The following RAPGEF2 variants were observed in gnomAD, a reference collection of about 807,000 sequenced individuals.
The protein encoded by RAPGEF2 is PDZ domain containing guanine nucleotide exchange factor (GEF) 1.
Under a neutral mutation model 186.7 loss-of-function variants are expected in RAPGEF2, and 54 were observed. That is an observed-to-expected ratio of 0.29 (90% confidence interval 0.23 to 0.36). The LOEUF is 0.36. Ranked by LOEUF, RAPGEF2 falls within the 10% of genes least tolerant of loss-of-function variation. RAPGEF2 has a pLI of 1.00. For synonymous variants in RAPGEF2, 712 were observed against 705.9 expected, an observed-to-expected ratio of 1.01 and a Z score of -0.14; for missense variants, 1,532 against 2,045.0, an observed-to-expected ratio of 0.75 and a Z score of 4.84.
Position 159,332,697 on chromosome 4 carries a change from A to G in RAPGEF2, c.2135A>G (p.Asn712Ser). The G allele has an allele frequency of 6.2e-7, 1 of 1,613,926 alleles. No individual in the cohort carries two copies. The highest frequency in any genetic ancestry group is 8.5e-7 in the Non-Finnish European group (1 of 1,179,900). Residue 712 changes from asparagine (N) to serine (S), a missense_variant and splice_region_variant, in exon 17 of 30, where the codon AAT (asparagine) becomes AGT (serine). This residue lies in a region of RAPGEF2 where 810 missense variants were observed against 1,210.5 expected (regional missense o/e 0.67). Transcript: ENST00000691494. ...RISILPQKPY[N>S]DIGIGQSQDD... is the part of the protein sequence containing the mutation. ...AGTATCTTGCCACAGAAACCATACA[A>G]GTAAGCATCTGCATATGTCTTCTGT... is the stretch of plus-strand genomic sequence containing the variant.
At chr4:159,221,118 T>A (rs1333779633) in intron 4 of RAPGEF2, among the ~76,000 whole-genome samples, 1 of 152,214 alleles carries the variant, frequency 6.6e-6, no homozygotes, top group African/African-American at 2.4e-5. Flanking sequence ...GTTTTCTTAC[T>A]ATGTTAGTTG....
At chr4:159,231,375 A>C (rs1752626061) in intron 4 of RAPGEF2, among the ~76,000 whole-genome samples, 1 of 152,104 alleles carries the variant, frequency 6.6e-6, no homozygotes, top group Non-Finnish European at 1.5e-5. Context: ...ACTCACACAT[A>C]TTATTTTGTT....
At chr4:159,189,506 C>A (rs183666317) in intron 2 of RAPGEF2, among the ~76,000 whole-genome samples, 1 of 152,148 alleles carries the variant, frequency 6.6e-6, no homozygotes, top group Admixed American at 6.5e-5. Context: ...GACCAAAAAT[C>A]TGTTTAAAAA....
rs1732293310 is a variant in RAPGEF2 at position 159,358,026 on chromosome 4, T to C, written c.4958-88T>C. ...AAAAAGAATAACTATGATAGTTTTA[T>C]TTAGCACATCAGTGAATATATTCTC... On this transcript the variant is annotated intron_variant, in intron 29 of 29. Coordinates refer to ENST00000691494, the MANE Select transcript of RAPGEF2 (RefSeq NM_001394067.2). The C allele has an allele frequency of 5.4e-6, 7 of 1,299,720 alleles. No individual in the cohort carries two copies. The Admixed American group carries it at 6.7e-5, about 12-fold the overall frequency. The allele number at this position is 1,299,720 out of a possible 1,614,324, so 80.5% of individuals were successfully genotyped here. A position where few individuals can be genotyped will look rare whatever the true frequency, so the allele number is the denominator to read the frequency against.
chr4:159,136,153 A>T (rs116330843), intron 1 of RAPGEF2, among the ~76,000 whole-genome samples: 3,678 of 152,316 alleles, frequency 0.024, 139 homozygotes, highest in African/African-American at 0.083. Flanking sequence ...TTAGCATTTT[A>T]AAAAATATGG....
At chr4:159,233,281 T>C (rs1340922288) in intron 4 of RAPGEF2, among the ~76,000 whole-genome samples, 1 of 152,238 alleles carries the variant, frequency 6.6e-6, no homozygotes, top group African/African-American at 2.4e-5. Context: ...AATAGTTTAC[T>C]TTTGGCTCTT....
At chr4:159,143,740 T>C (rs902935110) in intron 1 of RAPGEF2, among the ~76,000 whole-genome samples, 78 of 152,190 alleles carry the variant, frequency 5.1e-4, no homozygotes, top group Admixed American at 5.1e-3. Flanking sequence ...CTGGCGTTTT[T>C]TGAATGGGCA....
At chr4:159,315,441 A>T (rs1764458669) in intron 9 of RAPGEF2, among the ~76,000 whole-genome samples, 1 of 152,102 alleles carries the variant, frequency 6.6e-6, no homozygotes, top group Admixed American at 6.6e-5. Context: ...GACCAGCCCC[A>T]CAGGGTCGGT....
intron 7 of RAPGEF2, among the ~76,000 whole-genome samples, chr4:159,304,103 C>T (rs1762998139): frequency 6.6e-6 from 1 of 152,028 alleles, no homozygotes; most frequent in Admixed American, 6.6e-5. Flanking sequence ...TAACCAAACC[C>T]ACCTATTTAA....
intron 7 of RAPGEF2, among the ~76,000 whole-genome samples, chr4:159,259,080 G>T (rs1219230584): frequency 6.6e-6 from 1 of 152,184 alleles, no homozygotes; most frequent in Non-Finnish European, 1.5e-5. Context: ...AGATAAGCAT[G>T]CACTGGCCAA....
At chr4:159,341,214 G>A (rs1281295118) in intron 19 of RAPGEF2, among the ~76,000 whole-genome samples, 2 of 152,172 alleles carry the variant, frequency 1.3e-5, no homozygotes, top group Non-Finnish European at 2.9e-5. Flanking sequence ...CCTGCTTCCT[G>A]CCTTAGGGCC....
intron 4 of RAPGEF2, among the ~76,000 whole-genome samples, chr4:159,216,585 A>G (rs964853635): frequency 3.9e-5 from 6 of 152,030 alleles, no homozygotes; most frequent in Admixed American, 2.0e-4. Flanking sequence ...CTAGAATGCA[A>G]GTGTAGTTTA....
Position 159,147,661 on chromosome 4 carries a change from A to C in RAPGEF2, c.70-38981A>C, listed in dbSNP as rs182292384. 3.9e-5 allele frequency among the ~76,000 whole-genome samples: 6 copies of C among 152,368 alleles called. No homozygotes were observed. The East Asian group carries it at 1.2e-3, about 29-fold the overall frequency. ...GATGTCAGTGATGAAAGCTGATTAC[A>C]AAACAGAATGCATACTGTAGTTGAA... On this transcript the variant is annotated intron_variant, in intron 1 of 29. Coordinates refer to ENST00000691494, the MANE Select transcript of RAPGEF2 (RefSeq NM_001394067.2).
At chr4:159,355,034 C>T (rs1376500466) in intron 28 of RAPGEF2, among the ~76,000 whole-genome samples, 1 of 152,152 alleles carries the variant, frequency 6.6e-6, no homozygotes, top group Non-Finnish European at 1.5e-5. Context: ...TATCCTTTTA[C>T]AATGAATAAG....
chr4:159,186,670 A>G lies in RAPGEF2; in HGVS notation c.98A>G (p.His33Arg). ...CTGGAAATAGTATATTCCTATTTAC[A>G]TGGTATGGAAGCCTTATCAAACTTG... The part of the protein sequence containing the change: ...QDLEIVYSYL[H>R]GMEALSNLRE... The change falls in exon 2 of 30, where the codon CAT becomes CGT. Residue 33 changes from histidine (H) to arginine (R), a missense_variant. By Grantham distance (29) the His-to-Arg change is conservative. Around this residue, in one of 4 missense-constraint regions of RAPGEF2, gnomAD observed 810 missense variants for 1,210.5 expected, o/e 0.67. Transcript: ENST00000691494. 6.8e-7 allele frequency: 1 copy of G among 1,468,422 alleles called. No homozygotes were observed. Among genetic ancestry groups the G allele is most frequent in the Non-Finnish European group, 9.1e-7 (1 of 1,097,280 alleles). 91.0% of individuals were successfully genotyped at this position (1,468,422 alleles called of 1,614,324 possible).
intron 3 of RAPGEF2, among the ~76,000 whole-genome samples, chr4:159,202,268 TTGC>T (rs1399216171): frequency 6.6e-6 from 1 of 152,218 alleles, no homozygotes; most frequent in African/African-American, 2.4e-5. Flanking sequence ...CATATTGCAC[TTGC>T]TCTGCTAGAG....
intron 4 of RAPGEF2, among the ~76,000 whole-genome samples, chr4:159,237,726 A>G (rs537890059): frequency 6.6e-6 from 1 of 151,524 alleles, no homozygotes; most frequent in East Asian, 1.9e-4. Flanking sequence ...AAATTTTAAT[A>G]TTAGGCTCAC....
At position 159,353,446 on chromosome 4, in the gene RAPGEF2, T is replaced by G; in HGVS notation, c.4092-41T>G. 7.2e-7 allele frequency: 1 copy of G among 1,395,328 alleles called. No homozygotes were observed. The highest frequency in any genetic ancestry group is 9.4e-7 in the Non-Finnish European group (1 of 1,058,380). The allele number at this position is 1,395,328 out of a possible 1,614,324, so 86.4% of individuals were successfully genotyped here. On this transcript the variant is annotated intron_variant, in intron 27 of 29. Coordinates refer to ENST00000691494, the MANE Select transcript of RAPGEF2 (RefSeq NM_001394067.2). The surrounding 1 kb of genome is among the most constrained non-coding windows in gnomAD (Gnocchi z 4.3). ...TTATCATAGGTGAATTAGTTATCAA[T>G]CTTGTTTTTTTTTTCTTTTCCATTT...
Position 159,210,487 on chromosome 4 carries a change from C to G in RAPGEF2, c.198-13C>G, listed in dbSNP as rs1561089921. The G allele has an allele frequency of 1.3e-6, 2 of 1,514,610 alleles. No homozygotes were observed. Among genetic ancestry groups the G allele is most frequent in the Non-Finnish European group, 1.8e-6 (2 of 1,128,980 alleles). 93.8% of individuals were successfully genotyped at this position (1,514,610 alleles called of 1,614,324 possible). Reference sequence around the variant, plus strand: ...ATAGGTAACAATCTGATTCTGTTACCTTTTCTTTTCAGCCCTGATGATATT... The same window carrying G: ...ATAGGTAACAATCTGATTCTGTTACGTTTTCTTTTCAGCCCTGATGATATT... On this transcript the variant is annotated splice_polypyrimidine_tract_variant and intron_variant, in intron 3 of 29. Coordinates refer to ENST00000691494, the MANE Select transcript of RAPGEF2 (RefSeq NM_001394067.2).
Sources: gnomAD v4.1 joint callset for allele counts (sites outside exome capture counted in the v4.1 genomes callset) on GRCh38, gnomAD v4.1.1 for gene constraint, gnomAD v4.1.1 regional missense constraint, Gnocchi (gnomAD v3.1) non-coding constraint, MANE v1.5 for transcripts, NCBI Gene and HGNC (gene_info 2026-07-23, HGNC 2026-07-21) for gene names.